The following KNL1 variants were observed in gnomAD, a reference collection of about 807,000 sequenced individuals.
KNL1 encodes outer kinetochore KNL1 complex subunit KNL1.
KNL1 carries 66 observed loss-of-function variants against 201.3 expected under a neutral mutation model. That is an observed-to-expected ratio of 0.33 (90% CI 0.27 to 0.40). The LOEUF is 0.40. Among genes scored for constraint, KNL1 ranks in the 10% least tolerant of loss-of-function variants. The pLI, the probability that KNL1 is intolerant of heterozygous loss-of-function variation, is 1.00. For missense variants in KNL1, 2,815 were observed against 2,690.5 expected, an observed-to-expected ratio of 1.05 and a Z score of -1.02; for synonymous variants, 895 against 899.2, an observed-to-expected ratio of 1.00 and a Z score of 0.08.
intron 13 of KNL1, among the ~76,000 whole-genome samples, chr15:40,635,356 T>A (rs1442582600): frequency 6.6e-6 from 1 of 150,924 alleles, no homozygotes; most frequent in South Asian, 2.1e-4. Flanking sequence ...CCGGCCTGTT[T>A]CAGGATTTGT....
At chr15:40,650,184 G>A in intron 17 of KNL1, 117 bp from the exon 18 acceptor site, 1 of 652,592 alleles carries the variant, frequency 1.5e-6, no homozygotes, top group African/African-American at 1.9e-5. Context: ...TACTACCAAA[G>A]AAACAATCTG....
intron 1 of KNL1, among the ~76,000 whole-genome samples, chr15:40,602,522 T>C (rs1470577467): frequency 6.9e-6 from 1 of 145,296 alleles, no homozygotes; most frequent in East Asian, 2.0e-4. Flanking sequence ...GTTTTGCTCT[T>C]GTCGCCCAGG....
intron 13 of KNL1, among the ~76,000 whole-genome samples, chr15:40,633,619 C>T (rs890869792): frequency 2.0e-5 from 3 of 152,134 alleles, no homozygotes; most frequent in Non-Finnish European, 4.4e-5. Context: ...TGGCTCACTG[C>T]AGCTTCAACC....
intron 17 of KNL1, among the ~76,000 whole-genome samples, chr15:40,648,766 TTAA>T (rs1893468153): frequency 6.6e-6 from 1 of 152,132 alleles, no homozygotes. Context: ...ACAGTTTTCA[TTAA>T]TGTTACTCCT....
chr15:40,646,926 A>T, intron 16 of KNL1, 61 bp from the exon 17 acceptor site: 1 of 739,782 alleles, frequency 1.4e-6, no homozygotes, highest in South Asian at 1.5e-5. Context: ...GAGCAGTTTG[A>T]ACCATTTATA....
chr15:40,623,601 G>A lies in KNL1; in HGVS notation c.3337G>A (p.Ala1113Thr). The A allele has an allele frequency of 6.2e-7, 1 of 1,613,406 alleles. No homozygotes were observed. The highest frequency in any genetic ancestry group is 8.5e-7 in the Non-Finnish European group (1 of 1,179,788). The stretch of plus-strand genomic sequence containing the variant: ...TAAAGAGGACTTCCATTTGGCAGGG[G>A]CTTCTAAAACTATTTTGTATTCATG... Reference protein sequence around the residue: ...EDKEDFHLAGASKTILYSCGQ... With the variant: ...EDKEDFHLAGTSKTILYSCGQ... Residue 1113 changes from alanine (A) to threonine (T), a missense_variant, in exon 10 of 26, where the codon GCT (alanine) becomes ACT (threonine). Physicochemically the swap from Ala to Thr is moderately conservative, Grantham distance 58. Transcript: ENST00000399668.
At chr15:40,604,797 A>G (rs1303831959) in intron 2 of KNL1, among the ~76,000 whole-genome samples, 6 of 152,232 alleles carry the variant, frequency 3.9e-5, no homozygotes, top group Non-Finnish European at 8.8e-5. Flanking sequence ...TGGTCTAAAA[A>G]TCGTATAGTA....
At chr15:40,607,387 A>T (rs1405584999) in intron 4 of KNL1, among the ~76,000 whole-genome samples, 2 of 152,200 alleles carry the variant, frequency 1.3e-5, no homozygotes, top group African/African-American at 4.8e-5. Flanking sequence ...GTATTGTCAT[A>T]TTAAGCTCAA....
rs1022734932 is a variant in KNL1 at position 40,620,689 on chromosome 15, C to T, written c.425C>T (p.Thr142Ile). The T allele has an allele frequency of 3.1e-6, 5 of 1,600,904 alleles. No individual in the cohort carries two copies. The African/African-American group carries it at 4.1e-5, about 13-fold the overall frequency. ...GAAAGGAAACATGCAAATGACCAGA[C>T]AGTCATTTTTTCAGATGAAAACCAG... The part of the protein sequence containing the change: ...TRERKHANDQ[T>I]VIFSDENQMD... The change falls in exon 10 of 26, where the codon ACA becomes ATA. Residue 142 changes from threonine to isoleucine, a missense_variant. By Grantham distance (89) the Thr-to-Ile change is moderately conservative. This residue lies in a region of KNL1 where 2,464 missense variants were observed against 2,291.7 expected (regional missense o/e 1.08). Coordinates refer to ENST00000399668, the MANE Select transcript of KNL1 (RefSeq NM_144508.5).
At chr15:40,650,190 A>G (rs1415881080) in intron 17 of KNL1, 111 bp from the exon 18 acceptor site, 1 of 709,116 alleles carries the variant, frequency 1.4e-6, no homozygotes, top group Non-Finnish European at 2.3e-6. Flanking sequence ...CAAAGAAACA[A>G]TCTGTCGTTT....
In KNL1 at chr15:40,624,597, T is replaced by C. The variant is rs746128803; in HGVS notation, c.4333T>C (p.Phe1445Leu). 3 of 1,613,996 alleles carry C rather than the reference T, an allele frequency of 1.9e-6. No individual in the cohort carries two copies. Among genetic ancestry groups the C allele is most frequent in the Non-Finnish European group, 2.5e-6 (3 of 1,179,926 alleles). The change falls in exon 10 of 26, where the codon TTC becomes CTC. Residue 1445 changes from phenylalanine to leucine, a missense_variant. Phe to Leu is a conservative substitution (Grantham distance 22). This residue lies in a region of KNL1 where 2,464 missense variants were observed against 2,291.7 expected (regional missense o/e 1.08). Transcript: ENST00000399668. ...CATTTATGTTATTCCTCAGCCTCAT[T>C]TCTCAACCGACCAACCTCCATTACC... ...DDIYVIPQPH[F>L]STDQPPLPKK... is the part of the protein sequence containing the mutation.
chr15:40,649,758 C>G (rs1030517522), intron 17 of KNL1, among the ~76,000 whole-genome samples: 5 of 152,212 alleles, frequency 3.3e-5, no homozygotes, highest in African/African-American at 7.2e-5. Context: ...GCACATGCCA[C>G]TAGCCTGATC....
intron 7 of KNL1, among the ~76,000 whole-genome samples, chr15:40,612,615 C>T (rs1892207304): frequency 6.6e-6 from 1 of 152,002 alleles, no homozygotes; most frequent in African/African-American, 2.4e-5. Flanking sequence ...CTCCTGGGTT[C>T]AAGTGATTCT....
At position 40,658,177 on chromosome 15, in the gene KNL1, A is replaced by G. The variant is rs149308097; in HGVS notation, c.6713+704A>G. The stretch of plus-strand genomic sequence containing the variant: ...GCTACTCAGGAGGCTGAGGTAGGAG[A>G]ATCACTTGAACCCAGGAGGCGGAGG... On this transcript the variant is annotated intron_variant, in intron 24 of 25. Transcript: ENST00000399668. Among the ~76,000 whole-genome samples the G allele has an allele frequency of 4.4e-3, 670 of 152,010 alleles. 10 individuals are homozygous for G. The South Asian group carries it at 0.056, about 13-fold the overall frequency.
chr15:40,601,194 G>A (rs1433702857), intron 1 of KNL1, among the ~76,000 whole-genome samples: 6 of 152,116 alleles, frequency 3.9e-5, no homozygotes, highest in East Asian at 1.9e-4. Flanking sequence ...TGTGAACTGC[G>A]CACACGAGGG....
rs752410027 is a variant in KNL1, at chr15:40,623,550, A to C, written c.3286A>C (p.Ile1096Leu). 6.2e-7 allele frequency: 1 copy of C among 1,613,726 alleles called. No homozygotes were observed. The highest frequency in any genetic ancestry group is 8.5e-7 in the Non-Finnish European group (1 of 1,179,926). ...TATTACCCAGAGTTGTATGGTGGAA[A>C]TAGATAACGAAAGTGCCCTGGAGGA... ...MDITQSCMVE[I>L]DNESALEDKE... The change falls in exon 10 of 26, where the codon ATA becomes CTA. Residue 1096 changes from isoleucine to leucine, a missense_variant. Physicochemically the swap from Ile to Leu is conservative, Grantham distance 5 (BLOSUM62 2). Transcript: ENST00000399668.
Position 40,623,329 on chromosome 15 carries a change from C to G in KNL1, c.3065C>G (p.Ser1022Cys). 6.2e-7 allele frequency: 1 copy of G among 1,613,878 alleles called. No individual in the cohort carries two copies. The highest frequency in any genetic ancestry group is 8.5e-7 in the Non-Finnish European group (1 of 1,179,888). ...CAGCTAACCCCTCTGGAGGAATGGT[C>G]TAATAATAGGGGCCCTGTAGAGGTA... The part of the protein sequence containing the change: ...DSQLTPLEEW[S>C]NNRGPVEVAD... The change falls in exon 10 of 26, where the codon TCT (serine) becomes TGT (cysteine). Residue 1022 changes from serine (S) to cysteine (C), a missense_variant. This residue lies in a region of KNL1 where 2,464 missense variants were observed against 2,291.7 expected (regional missense o/e 1.08). Transcript: ENST00000399668.
chr15:40,608,328 A>C (rs888047733), intron 4 of KNL1, among the ~76,000 whole-genome samples: 3 of 150,834 alleles, frequency 2.0e-5, no homozygotes, highest in African/African-American at 7.3e-5. Flanking sequence ...ACAAAAAATT[A>C]GAGGTTGAGA....
chr15:40,623,919 G>GAC lies in KNL1; in HGVS notation c.3655_3656insAC (p.Val1219AspfsTer2). ...AATCGCTGAAAAACAAGCACTGGCT[G>GAC]TAGGAAACAAAATAGTTCTTCACAC... On this transcript the variant is annotated frameshift_variant, in exon 10 of 26. Transcript: ENST00000399668. LOFTEE classifies it high-confidence loss of function. 6.2e-7 allele frequency: 1 copy of GAC among 1,613,322 alleles called. No homozygotes were observed. The highest frequency in any genetic ancestry group is 8.5e-7 in the Non-Finnish European group (1 of 1,179,920).
Sources: gnomAD v4.1 joint callset for allele counts (sites outside exome capture counted in the v4.1 genomes callset) on GRCh38, gnomAD v4.1.1 for gene constraint, gnomAD v4.1.1 regional missense constraint, MANE v1.5 for transcripts, NCBI Gene and HGNC (gene_info 2026-07-23, HGNC 2026-07-21) for gene names.